Variants in ESR2 observed in about 807,000 individuals in gnomAD.
The protein encoded by ESR2 is estrogen receptor 2.
ESR2 carries 36 observed loss-of-function variants against 49.6 expected under a neutral mutation model. The ratio of observed to expected loss-of-function variants is 0.73; its 90% CI spans 0.56 to 0.96. The LOEUF (loss-of-function observed/expected upper bound fraction) is 0.96, where lower values mean the gene tolerates loss of function less well. ESR2 is among the 40% of genes least tolerant of loss of function. ESR2 has a pLI of 0.00. For synonymous variants in ESR2, 320 were observed against 266.1 expected (o/e 1.20, Z -1.97); for missense variants, 714 against 693.0 (o/e 1.03, Z -0.34).
At chr14:64,277,520 G>T (rs2076579219) in intron 3 of ESR2, among the ~76,000 whole-genome samples, 2 of 150,970 alleles carry the variant, frequency 1.3e-5, no homozygotes, top group African/African-American at 4.9e-5. Flanking sequence ...AGCTACTTGG[G>T]AGTCTGAGGC....
At chr14:64,304,480 T>C (rs900077071) in intron 1 of ESR2, among the ~76,000 whole-genome samples, 2 of 152,236 alleles carry the variant, frequency 1.3e-5, no homozygotes, top group African/African-American at 4.8e-5. Flanking sequence ...GCATGCCATG[T>C]GACTCAGGCT....
At chr14:64,227,508 T>G (rs780761548), downstream of ESR2, 2 of 1,611,186 alleles carry the variant, frequency 1.2e-6, no homozygotes, top group Non-Finnish European at 1.7e-6. Flanking sequence ...AGATTTTTCT[T>G]TAGGCCACCG....
chr14:64,249,456 T>C (rs1265646116), intron 7 of ESR2, 90 bp downstream of exon 7: 5 of 1,413,202 alleles, frequency 3.5e-6, no homozygotes, highest in African/African-American at 1.4e-5. Flanking sequence ...TCAAATAAAA[T>C]AGAAGTTCAA....
intron 5 of ESR2, 164 bp from the exon 6 acceptor site, chr14:64,257,528 G>C (rs956319335): frequency 3.5e-6 from 3 of 858,128 alleles, no homozygotes; most frequent in Non-Finnish European, 5.3e-6. Context: ...AGAAAACTTT[G>C]AAGTTAAGCT....
chr14:64,250,089 G>A (rs530840716), intron 6 of ESR2, among the ~76,000 whole-genome samples: 3 of 152,216 alleles, frequency 2.0e-5, no homozygotes, highest in South Asian at 4.2e-4. Context: ...TGTTCCCATC[G>A]GGAAGTATTA....
intron 1 of ESR2, among the ~76,000 whole-genome samples, chr14:64,323,044 A>G (rs570823363): frequency 6.6e-6 from 1 of 152,348 alleles, no homozygotes; most frequent in Admixed American, 6.5e-5. Flanking sequence ...GAATGATCTT[A>G]GTTTTGTGAA....
upstream of ESR2, among the ~76,000 whole-genome samples, chr14:64,299,112 A>G (rs2076993248): frequency 6.6e-6 from 1 of 152,098 alleles, no homozygotes. Context: ...CTGGCTCAGA[A>G]GATATTAATA....
At chr14:64,333,423 T>G (rs544019716) in intron 1 of ESR2, among the ~76,000 whole-genome samples, 191 of 152,306 alleles carry the variant, frequency 1.3e-3, no homozygotes, top group African/African-American at 4.5e-3. Flanking sequence ...GGATGGCTAT[T>G]AAACATTATT....
chr14:64,260,680 A>AC lies in ESR2; in HGVS notation c.720_721insG (p.Cys241ValfsTer36). On this transcript the variant is annotated frameshift_variant, in exon 5 of 9. Transcript: ENST00000341099. LOFTEE classifies it high-confidence loss of function. Reference sequence around the variant, plus strand: ...CCACTTCTCTTGGCCTTGCCGGCACAGTGCAGCTGCTCGTCGGCACTTCTC... The same window carrying AC: ...CCACTTCTCTTGGCCTTGCCGGCACACGTGCAGCTGCTCGTCGGCACTTCTC... The AC allele has an allele frequency of 1.3e-6, 2 of 1,560,054 alleles. No homozygotes were observed. Among genetic ancestry groups the AC allele is most frequent in the Non-Finnish European group, 1.7e-6 (2 of 1,149,254 alleles).
intron 1 of ESR2, among the ~76,000 whole-genome samples, chr14:64,331,508 G>C (rs946954724): frequency 6.6e-6 from 1 of 151,982 alleles, no homozygotes; most frequent in South Asian, 2.1e-4. Context: ...ATAGAAAAAG[G>C]GCTGGGAACC....
At chr14:64,295,265 T>C (rs2076942347), upstream of ESR2, among the ~76,000 whole-genome samples, 1 of 152,144 alleles carries the variant, frequency 6.6e-6, no homozygotes, top group South Asian at 2.1e-4. Flanking sequence ...ATAAGGGACA[T>C]GGTTTTTGAG....
chr14:64,269,029 G>T, intron 3 of ESR2, 118 bp from the exon 4 acceptor site: 1 of 686,384 alleles, frequency 1.5e-6, no homozygotes, highest in South Asian at 1.7e-5. Flanking sequence ...TCTTCTTAAT[G>T]ACCAGTACAG....
rs545143689 is a variant in ESR2 at position 64,309,607 on chromosome 14, C to CAAAAAAAAAAAAA, written c.-90-26533_-90-26532insTTTTTTTTTTTTT. Among the ~76,000 whole-genome samples, 21 of 125,878 alleles carry CAAAAAAAAAAAAA rather than the reference C, an allele frequency of 1.7e-4. 1 individual carries two copies. The highest frequency in any genetic ancestry group is 6.4e-4 in the Admixed American group (8 of 12,556). 82.6% of individuals were successfully genotyped at this position (125,878 alleles called of 152,430 possible). ...GGGCAACAAGAGTGAAACTCCATCT[C>CAAAAAAAAAAAAA]AAAAAAAAAAATAGAGAATCTTGCG... On this transcript the variant is annotated intron_variant, in intron 1 of 8. Coordinates refer to the ESR2 transcript ENST00000358599.
chr14:64,285,173 C>T (rs552031625), intron 1 of ESR2, among the ~76,000 whole-genome samples: 2 of 152,204 alleles, frequency 1.3e-5, no homozygotes, highest in African/African-American at 4.8e-5. Context: ...CTTATCAGTG[C>T]ATCTGTAACA....
rs190981944 is a variant in ESR2, at chr14:64,234,542, G to A, written c.1406+428C>T. On this transcript the variant is annotated intron_variant, in intron 8 of 8. Coordinates refer to ENST00000341099, the MANE Select transcript of ESR2 (RefSeq NM_001437.3). ...ATGCCACCGAAAGAACAACTCTTAG[G>A]GAAGCATTTGTGCACTTCTTCGCAT... 829 of 210,520 alleles carry A rather than the reference G, an allele frequency of 3.9e-3. 10 individuals are homozygous for A. Among genetic ancestry groups the A allele is most frequent in the African/African-American group, 0.018 (787 of 43,932 alleles). The allele number at this position is 210,520 out of a possible 1,614,324, so 13.0% of individuals were successfully genotyped here.
chr14:64,293,695 T>C (rs2076908001), intron 1 of ESR2, among the ~76,000 whole-genome samples: 1 of 152,164 alleles, frequency 6.6e-6, no homozygotes, highest in Non-Finnish European at 1.5e-5. Context: ...GCCCTCAAAG[T>C]TCAATCAGAA....
intron 1 of ESR2, among the ~76,000 whole-genome samples, chr14:64,324,930 C>A (rs1193024818): frequency 1.3e-5 from 2 of 152,124 alleles, no homozygotes; most frequent in African/African-American, 4.8e-5. Flanking sequence ...AAATTATAGA[C>A]TTCTGTTAAT....
rs370932476 is a variant in ESR2 at position 64,236,971 on chromosome 14, C to A, written c.1226-1821G>T. Among the ~76,000 whole-genome samples, 115 of 136,932 alleles carry A rather than the reference C, an allele frequency of 8.4e-4. 1 individual carries two copies. The highest frequency in any genetic ancestry group is 1.6e-3 in the Non-Finnish European group (99 of 61,978). 89.8% of individuals were successfully genotyped at this position (136,932 alleles called of 152,430 possible). A position where few individuals can be genotyped will look rare whatever the true frequency, so the allele number is the denominator to read the frequency against. ...AGGGCACAGACCTTTTTTTTTTTTT[C>A]TTTTCTTGAGACAGAGTCTCACTCT... On this transcript the variant is annotated intron_variant, in intron 7 of 8. Transcript: ENST00000341099.
Position 64,260,685 on chromosome 14 carries a change from AGC to A in ESR2, c.714_715del (p.Gln238HisfsTer38). 6.4e-7 allele frequency: 1 copy of A among 1,560,370 alleles called. No homozygotes were observed. Among genetic ancestry groups the A allele is most frequent in the South Asian group, 1.2e-5 (1 of 85,038 alleles). On this transcript the variant is annotated frameshift_variant, in exon 5 of 9. Transcript: ENST00000341099. LOFTEE classifies it high-confidence loss of function. ...TCTCTTGGCCTTGCCGGCACAGTGC[AGC>A]TGCTCGTCGGCACTTCTCTGTCTCC...
Sources: gnomAD v4.1 joint callset for allele counts (sites outside exome capture counted in the v4.1 genomes callset) on GRCh38, gnomAD v4.1.1 for gene constraint, MANE v1.5 for transcripts, NCBI Gene and HGNC (gene_info 2026-07-23, HGNC 2026-07-21) for gene names.